NEK5: variants seen among roughly 807,000 people sequenced by gnomAD.
The protein encoded by NEK5 is serine/threonine-protein kinase Nek5.
Under a neutral mutation model 109.2 loss-of-function variants are expected in NEK5, and 88 were observed. That is an observed-to-expected ratio of 0.81 (90% CI 0.68 to 0.96). The LOEUF (loss-of-function observed/expected upper bound fraction) is 0.96, where lower values mean the gene tolerates loss of function less well. NEK5 is among the 40% of genes least tolerant of loss of function. The pLI, the probability that NEK5 is intolerant of heterozygous loss-of-function variation, is 0.00. For missense variants in NEK5, 834 were observed against 920.7 expected, an observed-to-expected ratio of 0.91 and a Z score of 1.22; for synonymous variants, 283 against 299.9, an observed-to-expected ratio of 0.94 and a Z score of 0.58.
At chr13:52,058,681 T>C (rs1428370435) in intron 22 of NEK5, among the ~76,000 whole-genome samples, 30 of 151,874 alleles carry the variant, frequency 2.0e-4, no homozygotes, top group African/African-American at 5.1e-4. Context: ...TTGACAAACC[T>C]GACAAAAACA....
At chr13:52,086,061 A>C (rs1420245493) in intron 16 of NEK5, among the ~76,000 whole-genome samples, 1 of 152,232 alleles carries the variant, frequency 6.6e-6, no homozygotes, top group Non-Finnish European at 1.5e-5. Flanking sequence ...TGAGAATCTC[A>C]GATATCCTTA....
intron 14 of NEK5, 130 bp downstream of exon 14, chr13:52,089,117 C>G: frequency 1.7e-6 from 1 of 605,734 alleles, no homozygotes; most frequent in Admixed American, 3.4e-5. Context: ...AAAACAAAAA[C>G]AAAAAAAACT....
chr13:52,090,190 G>A (rs1445185568), intron 13 of NEK5, among the ~76,000 whole-genome samples: 1 of 152,082 alleles, frequency 6.6e-6, no homozygotes, highest in Non-Finnish European at 1.5e-5. Flanking sequence ...CAATTTTCAA[G>A]TTTATACTCA....
At chr13:52,082,357 T>C (rs776915843) in intron 17 of NEK5, 39 of 1,192,756 alleles carry the variant, frequency 3.3e-5, no homozygotes, top group Admixed American at 1.7e-4. Context: ...GGCCAAATCA[T>C]TGAGAATCTT....
intron 17 of NEK5, among the ~76,000 whole-genome samples, chr13:52,080,157 CAGG>C (rs1954964796): frequency 6.6e-6 from 1 of 150,426 alleles, no homozygotes; most frequent in African/African-American, 2.4e-5. Context: ...CCACCCCGTC[CAGG>C]AGGGAGGTGG....
At chr13:52,128,143 ACTCTAT>A (rs1956105252) in intron 1 of NEK5, among the ~76,000 whole-genome samples, 1 of 151,640 alleles carries the variant, frequency 6.6e-6, no homozygotes, top group South Asian at 2.1e-4. Flanking sequence ...CTAGAACCAA[ACTCTAT>A]TTTACATCGA....
At position 52,119,299 on chromosome 13, in the gene NEK5, C is replaced by T. The variant is rs113574449; in HGVS notation, c.214+20G>A. The T allele has an allele frequency of 2.6e-3, 3,582 of 1,382,352 alleles. 73 individuals are homozygous for T. The African/African-American group carries it at 0.044, about 17-fold the overall frequency. The allele number at this position is 1,382,352 out of a possible 1,614,324, so 85.6% of individuals were successfully genotyped here. A position where few individuals can be genotyped will look rare whatever the true frequency, so the allele number is the denominator to read the frequency against. ...GCCTATACTTTATAAAAATACTTAA[C>T]GAATATTAGAAAATCAAACCTTGAA... is the stretch of plus-strand genomic sequence containing the variant. On this transcript the variant is annotated intron_variant, in intron 4 of 23. Coordinates refer to ENST00000684899, the MANE Select transcript of NEK5 (RefSeq NM_001365552.1).
intron 21 of NEK5, among the ~76,000 whole-genome samples, chr13:52,062,353 TA>T (rs1954620367): frequency 6.6e-6 from 1 of 152,110 alleles, no homozygotes; most frequent in African/African-American, 2.4e-5. Context: ...AAATAAGTAA[TA>T]AAAATCTTTA....
intron 23 of NEK5, among the ~76,000 whole-genome samples, chr13:52,039,602 CAT>C (rs1357143073): frequency 6.6e-6 from 1 of 152,148 alleles, no homozygotes; most frequent in Non-Finnish European, 1.5e-5. Flanking sequence ...ATTGTTTTCT[CAT>C]ATTCTTTTCT....
At position 52,099,837 on chromosome 13, in the gene NEK5, G is replaced by A; in HGVS notation, c.932C>T (p.Pro311Leu). The change falls in exon 12 of 24, where the codon CCA becomes CTA. Residue 311 changes from proline to leucine, a missense_variant. Around this residue, in one of 2 missense-constraint regions of NEK5, gnomAD observed 777 missense variants for 824.7 expected, o/e 0.94. Transcript: ENST00000684899. ...IQKVRFQGKC[P>L]PRSRISVPIK... ...TGGCACAGATATCCTTGATCTTGGT[G>A]GGCACTTTCCCTGGAATCTCACTTT... 1 of 1,613,562 alleles carries A rather than the reference G, an allele frequency of 6.2e-7. No homozygotes were observed. Among genetic ancestry groups the A allele is most frequent in the Non-Finnish European group, 8.5e-7 (1 of 1,179,618 alleles).
intron 22 of NEK5, among the ~76,000 whole-genome samples, chr13:52,054,825 T>C (rs1297068307): frequency 6.6e-6 from 1 of 151,976 alleles, no homozygotes. Flanking sequence ...AGACCAAAAG[T>C]AGATAAAACC....
intron 20 of NEK5, among the ~76,000 whole-genome samples, chr13:52,067,600 C>T (rs897479296): frequency 6.6e-6 from 1 of 151,880 alleles, no homozygotes; most frequent in African/African-American, 2.4e-5. Flanking sequence ...GGACTGTGAG[C>T]CAAGCCTCTG....
At chr13:52,089,093 A>AAACAACAAG (rs1555312688) in intron 14 of NEK5, among the ~76,000 whole-genome samples, 154 bp downstream of exon 14, 6 of 150,918 alleles carry the variant, frequency 4.0e-5, no homozygotes, top group African/African-American at 1.5e-4. Context: ...CTGTCTCAGA[A>AAACAACAAG]AACAACAACA....
intron 13 of NEK5, among the ~76,000 whole-genome samples, chr13:52,092,374 T>G (rs1955303934): frequency 6.6e-6 from 1 of 152,152 alleles, no homozygotes; most frequent in Non-Finnish European, 1.5e-5. Flanking sequence ...AGATTTGATT[T>G]GTGTAACATA....
chr13:52,037,739 C>A (rs1034735453), intron 23 of NEK5, among the ~76,000 whole-genome samples: 8 of 152,006 alleles, frequency 5.3e-5, no homozygotes, highest in East Asian at 1.9e-4. Context: ...CTGGCTAACA[C>A]GGTGAAACCC....
intron 3 of NEK5, among the ~76,000 whole-genome samples, chr13:52,124,733 G>T (rs1330352671): frequency 6.6e-6 from 1 of 152,078 alleles, no homozygotes. Context: ...GCACCTTCTC[G>T]ATTTCTTTGA....
chr13:52,036,430 T>C lies in NEK5; in HGVS notation c.*518A>G, dbSNP rs936406283. On this transcript the variant is annotated 3_prime_UTR_variant, in exon 24 of 24. Coordinates refer to ENST00000684899, the MANE Select transcript of NEK5 (RefSeq NM_001365552.1). ...GTTTTGGAGGGGGCATTGAGCCACATTACTCTGCCTACCACATATATTAGC... is the reference window on the plus strand; with the variant it reads ...GTTTTGGAGGGGGCATTGAGCCACACTACTCTGCCTACCACATATATTAGC... 3 of 152,270 alleles carry C rather than the reference T, an allele frequency of 2.0e-5. No homozygotes were observed. The highest frequency in any genetic ancestry group is 2.9e-5 in the Non-Finnish European group (2 of 68,104). 9.4% of individuals were successfully genotyped at this position (152,270 alleles called of 1,614,324 possible).
intron 23 of NEK5, among the ~76,000 whole-genome samples, chr13:52,048,423 A>G (rs1490359875): frequency 1.3e-5 from 2 of 152,132 alleles, no homozygotes; most frequent in African/African-American, 4.8e-5. Context: ...AAATAAATAA[A>G]ATTAAAATAC....
intron 5 of NEK5, among the ~76,000 whole-genome samples, chr13:52,111,394 G>A (rs749672924): frequency 2.6e-5 from 4 of 151,876 alleles, no homozygotes; most frequent in Non-Finnish European, 2.9e-5. Flanking sequence ...ACCTAGATAA[G>A]AAAAAAGAGT....
Sources: gnomAD v4.1 joint callset for allele counts (sites outside exome capture counted in the v4.1 genomes callset) on GRCh38, gnomAD v4.1.1 for gene constraint, gnomAD v4.1.1 regional missense constraint, MANE v1.5 for transcripts, NCBI Gene and HGNC (gene_info 2026-07-23, HGNC 2026-07-21) for gene names.